The following SDCCAG8 variants were observed in gnomAD, a reference collection of about 807,000 sequenced individuals.
SDCCAG8 encodes SHH signaling and ciliogenesis regulator SDCCAG8, also known as serologically defined colon cancer antigen 8.
Under a neutral mutation model 101.8 loss-of-function variants are expected in SDCCAG8, and 74 were observed. The observed-to-expected ratio is 0.73, with a 90% CI of 0.60 to 0.88. SDCCAG8 has a LOEUF of 0.88. Among genes scored for constraint, SDCCAG8 ranks in the 40% least tolerant of loss-of-function variants. SDCCAG8 has a pLI of 0.00. For synonymous variants in SDCCAG8, 281 were observed against 292.9 expected, an observed-to-expected ratio of 0.96 and a Z score of 0.41; for missense variants, 787 against 822.6, an observed-to-expected ratio of 0.96 and a Z score of 0.53.
At chr1:243,428,950 G>C (rs2081527296) in intron 16 of SDCCAG8, among the ~76,000 whole-genome samples, 1 of 152,196 alleles carries the variant, frequency 6.6e-6, no homozygotes, top group Non-Finnish European at 1.5e-5. Context: ...ATTGCTTATT[G>C]CAATAACAAG....
chr1:243,294,696 T>TTC (rs796839957), intron 6 of SDCCAG8, among the ~76,000 whole-genome samples: 2 of 62,240 alleles, frequency 3.2e-5, no homozygotes, highest in Non-Finnish European at 5.8e-5. Context: ...CTTTCTAAAT[T>TTC]CCCCCCCCCC....
chr1:243,492,222 T>A (rs1574403890), intron 17 of SDCCAG8, among the ~76,000 whole-genome samples: 1 of 135,982 alleles, frequency 7.4e-6, no homozygotes, highest in Non-Finnish European at 1.5e-5. Context: ...ACCCCCATCC[T>A]CCCCGCTCCC....
At chr1:243,363,628 C>A (rs752709584) in intron 12 of SDCCAG8, among the ~76,000 whole-genome samples, 1 of 152,184 alleles carries the variant, frequency 6.6e-6, no homozygotes, top group African/African-American at 2.4e-5. Flanking sequence ...ACTTACTCTC[C>A]ATTTTAAAGT....
At chr1:243,261,303 CCTT>C (rs1341015761) in intron 1 of SDCCAG8, among the ~76,000 whole-genome samples, 1 of 152,012 alleles carries the variant, frequency 6.6e-6, no homozygotes. Flanking sequence ...CATTAATGTT[CCTT>C]CCATCAGCAC....
rs900949463 is a variant in SDCCAG8, at chr1:243,293,206, A to G, written c.662A>G (p.Glu221Gly). 4 of 1,614,028 alleles carry G rather than the reference A, an allele frequency of 2.5e-6. No homozygotes were observed. The highest frequency in any genetic ancestry group is 1.1e-5 in the South Asian group (1 of 91,088). Residue 221 changes from glutamate to glycine, a missense_variant, in exon 6 of 18, where the codon GAG becomes GGG. By Grantham distance (98) the Glu-to-Gly change is moderately conservative. Transcript: ENST00000366541. ...ADFGKAASAG[E>G]QLELEKLKLT... Reference sequence around the variant, plus strand: ...TTTGGCAAAGCTGCATCTGCTGGTGAGCAGCTAGAACTGGTGAGTATTTGG... The same window carrying G: ...TTTGGCAAAGCTGCATCTGCTGGTGGGCAGCTAGAACTGGTGAGTATTTGG...
intron 17 of SDCCAG8, among the ~76,000 whole-genome samples, chr1:243,498,878 C>T (rs551640511): frequency 5.3e-5 from 8 of 152,320 alleles, no homozygotes; most frequent in Non-Finnish European, 8.8e-5. Context: ...CCCTGCAGTG[C>T]GTCCCAATTT....
intron 6 of SDCCAG8, 107 bp downstream of exon 6, chr1:243,293,326 C>T (rs1017113651): frequency 3.5e-6 from 4 of 1,136,200 alleles, no homozygotes; most frequent in Admixed American, 4.1e-5. Context: ...CCATTATAAC[C>T]ATTTTTAAGC....
chr1:243,490,417 G>C (rs1398162546), intron 17 of SDCCAG8, among the ~76,000 whole-genome samples: 2 of 152,196 alleles, frequency 1.3e-5, no homozygotes, highest in Non-Finnish European at 2.9e-5. Context: ...GCAGGGCCCT[G>C]GAACCTGAAT....
intron 17 of SDCCAG8, among the ~76,000 whole-genome samples, chr1:243,497,669 C>T (rs1014290376): frequency 2.0e-5 from 3 of 152,110 alleles, no homozygotes; most frequent in Admixed American, 6.5e-5. Flanking sequence ...CAAAAAATTC[C>T]GCAACACATT....
At chr1:243,389,499 A>G (rs2078565190) in intron 13 of SDCCAG8, among the ~76,000 whole-genome samples, 1 of 152,222 alleles carries the variant, frequency 6.6e-6, no homozygotes, top group Non-Finnish European at 1.5e-5. Context: ...TAAGTACCGG[A>G]ATCTACAGAA....
intron 8 of SDCCAG8, among the ~76,000 whole-genome samples, chr1:243,313,821 A>C (rs557369034): frequency 6.6e-6 from 1 of 152,172 alleles, no homozygotes; most frequent in Non-Finnish European, 1.5e-5. Flanking sequence ...ACTGTAGCTA[A>C]CTGGGCAGTT....
At chr1:243,475,524 C>A (rs1441605350) in intron 16 of SDCCAG8, among the ~76,000 whole-genome samples, 1 of 152,114 alleles carries the variant, frequency 6.6e-6, no homozygotes, top group Non-Finnish European at 1.5e-5. Flanking sequence ...GCAACACTGA[C>A]CCAGTCCTGG....
intron 12 of SDCCAG8, among the ~76,000 whole-genome samples, chr1:243,344,967 A>G (rs1243619406): frequency 6.6e-6 from 1 of 152,162 alleles, no homozygotes; most frequent in Non-Finnish European, 1.5e-5. Flanking sequence ...AGGCAGTTCT[A>G]ATAGGCTGAC....
At chr1:243,402,976 T>C (rs1292314339) in intron 13 of SDCCAG8, among the ~76,000 whole-genome samples, 3 of 152,184 alleles carry the variant, frequency 2.0e-5, no homozygotes, top group African/African-American at 7.2e-5. Flanking sequence ...AATAAGTTCT[T>C]CTATATCTTA....
At chr1:243,348,186 C>T (rs1242072515) in intron 12 of SDCCAG8, among the ~76,000 whole-genome samples, 2 of 148,738 alleles carry the variant, frequency 1.3e-5, no homozygotes, top group East Asian at 4.1e-4. Flanking sequence ...CAGGCGCCCA[C>T]GACCACGCCC....
intron 12 of SDCCAG8, among the ~76,000 whole-genome samples, chr1:243,373,123 G>T (rs1282978389): frequency 6.6e-6 from 1 of 151,872 alleles, no homozygotes; most frequent in South Asian, 2.1e-4. Context: ...GATTTAAAAT[G>T]GATTTTTTAC....
chr1:243,289,004 C>A (rs2069933677), intron 5 of SDCCAG8, among the ~76,000 whole-genome samples: 2 of 138,076 alleles, frequency 1.4e-5, no homozygotes, highest in South Asian at 2.2e-4. Flanking sequence ...AAGACTCCAT[C>A]TCAAAAAAAA....
chr1:243,274,351 TG>T (rs1228451140), intron 3 of SDCCAG8, among the ~76,000 whole-genome samples, 191 bp from the exon 4 acceptor site: 1 of 152,188 alleles, frequency 6.6e-6, no homozygotes, highest in Admixed American at 6.5e-5. Flanking sequence ...ACTTGAGGTT[TG>T]TGGGGGACAA....
chr1:243,491,327 C>T (rs1479127245), intron 17 of SDCCAG8, among the ~76,000 whole-genome samples: 2 of 152,218 alleles, frequency 1.3e-5, no homozygotes, highest in East Asian at 3.8e-4. Flanking sequence ...TTTCTTTCTT[C>T]TTTTGCCTGA....
Sources: gnomAD v4.1 joint callset for allele counts (sites outside exome capture counted in the v4.1 genomes callset) on GRCh38, gnomAD v4.1.1 for gene constraint, MANE v1.5 for transcripts, NCBI Gene and HGNC (gene_info 2026-07-23, HGNC 2026-07-21) for gene names.